AKAP6: variants seen among roughly 807,000 people sequenced by gnomAD.
AKAP6 encodes A-kinase anchoring protein 6.
Under a neutral mutation model 188.5 loss-of-function variants are expected in AKAP6, and 58 were observed. The ratio of observed to expected loss-of-function variants is 0.31; its 90% confidence interval spans 0.25 to 0.38. AKAP6 has a LOEUF of 0.38. Ranked by LOEUF, AKAP6 falls within the 10% of genes least tolerant of loss-of-function variation. The probability of loss-of-function intolerance (pLI) is 1.00; values close to 1 mark genes in which losing one functional copy is unlikely to be tolerated. For synonymous variants in AKAP6, 989 were observed against 998.6 expected (o/e 0.99, Z 0.18); for missense variants, 2,710 against 2,740.0 (o/e 0.99, Z 0.24).
intron 11 of AKAP6, among the ~76,000 whole-genome samples, chr14:32,759,366 T>A (rs1411272202): frequency 6.6e-6 from 1 of 152,220 alleles, no homozygotes; most frequent in African/African-American, 2.4e-5. Flanking sequence ...TCGTGCCCTC[T>A]GCCTTTTCTC....
chr14:32,707,396 C>T (rs756246069), intron 9 of AKAP6, among the ~76,000 whole-genome samples: 1 of 152,156 alleles, frequency 6.6e-6, no homozygotes, highest in East Asian at 1.9e-4. Flanking sequence ...AGTATTATCC[C>T]TTTTAGTACT....
chr14:32,537,910 A>G (rs1882758881), intron 3 of AKAP6, among the ~76,000 whole-genome samples: 2 of 152,338 alleles, frequency 1.3e-5, no homozygotes, highest in African/African-American at 4.8e-5. Flanking sequence ...TGAATTTACA[A>G]TAAGTAGCAT....
chr14:32,568,044 A>C lies in AKAP6; in HGVS notation c.2347-9076A>C, dbSNP rs1263236982. ...AGAGGCAAAACAACAATAGTCAAGGAAGAAAGAAAAGAAAGGCTGAAAAGA... is the reference window on the plus strand; with the variant it reads ...AGAGGCAAAACAACAATAGTCAAGGCAGAAAGAAAAGAAAGGCTGAAAAGA... On this transcript the variant is annotated intron_variant, in intron 4 of 13. Transcript: ENST00000280979. This position sits in a 1 kb window ranked among gnomAD's most constrained non-coding sequence, Gnocchi z 6.2. Among the ~76,000 whole-genome samples the C allele has an allele frequency of 6.6e-6, 1 of 152,052 alleles. No homozygotes were observed. Among genetic ancestry groups the C allele is most frequent in the African/African-American group, 2.4e-5 (1 of 41,432 alleles).
chr14:32,510,458 ATGTG>A (rs1338208103), intron 2 of AKAP6, among the ~76,000 whole-genome samples: 3 of 73,542 alleles, frequency 4.1e-5, no homozygotes, highest in Admixed American at 1.4e-4. Flanking sequence ...ATACATATAT[ATGTG>A]TATATATATA....
intron 2 of AKAP6, among the ~76,000 whole-genome samples, chr14:32,516,952 G>A (rs1881553411): frequency 6.6e-6 from 1 of 152,106 alleles, no homozygotes; most frequent in African/African-American, 2.4e-5. Context: ...AGCTATCAAA[G>A]ATTACTATTA....
chr14:32,353,490 G>A (rs569599401), intron 1 of AKAP6, among the ~76,000 whole-genome samples: 7 of 152,252 alleles, frequency 4.6e-5, no homozygotes, highest in South Asian at 2.1e-4. Context: ...CAACCCGGGC[G>A]GTAGAGGTTG....
At chr14:32,512,054 T>C (rs1881289499) in intron 2 of AKAP6, among the ~76,000 whole-genome samples, 1 of 152,240 alleles carries the variant, frequency 6.6e-6, no homozygotes. Context: ...GTTAATTTAC[T>C]TGTAGACATT....
intron 11 of AKAP6, among the ~76,000 whole-genome samples, chr14:32,770,513 T>G (rs188411513): frequency 6.6e-6 from 1 of 152,184 alleles, no homozygotes; most frequent in East Asian, 1.9e-4. Flanking sequence ...ATGAAAAGCA[T>G]TTCAAACTTT....
Position 32,829,904 on chromosome 14 carries a change from G to C in AKAP6, c.*99G>C, listed in dbSNP as rs2034784781. On this transcript the variant is annotated 3_prime_UTR_variant, in exon 14 of 14. Transcript: ENST00000280979. Reference sequence around the variant, plus strand: ...ATCCTCCCGCCCTGGGCTGGCCTCTGGTTCCATCACGTTTGTCACTGCCGT... The same window carrying C: ...ATCCTCCCGCCCTGGGCTGGCCTCTCGTTCCATCACGTTTGTCACTGCCGT... 2.8e-6 allele frequency: 2 copies of C among 702,676 alleles called. No homozygotes were observed. Among genetic ancestry groups the C allele is most frequent in the Non-Finnish European group, 5.2e-6 (2 of 384,770 alleles). 43.5% of individuals were successfully genotyped at this position (702,676 alleles called of 1,614,324 possible).
At chr14:32,606,103 TTATACA>T (rs1886118082) in intron 7 of AKAP6, among the ~76,000 whole-genome samples, 1 of 152,184 alleles carries the variant, frequency 6.6e-6, no homozygotes, top group Admixed American at 6.5e-5. Flanking sequence ...GTGAGATCTT[TTATACA>T]TGGAAATAGA....
chr14:32,716,050 A>G (rs1361305951), intron 9 of AKAP6, among the ~76,000 whole-genome samples: 1 of 151,998 alleles, frequency 6.6e-6, no homozygotes, highest in Non-Finnish European at 1.5e-5. Context: ...TTCTCAAATG[A>G]GCAACTAAGG....
intron 1 of AKAP6, among the ~76,000 whole-genome samples, chr14:32,395,018 G>A (rs1888833051): frequency 6.6e-6 from 1 of 152,050 alleles, no homozygotes; most frequent in South Asian, 2.1e-4. Context: ...CACAATTTAG[G>A]AGTTAACTTC....
intron 2 of AKAP6, among the ~76,000 whole-genome samples, chr14:32,521,351 A>G (rs1881820160): frequency 1.3e-5 from 2 of 152,136 alleles, no homozygotes; most frequent in East Asian, 3.9e-4. Flanking sequence ...ATCAAGCAGG[A>G]GAAAGAAATA....
At chr14:32,439,587 T>C (rs1376706960) in intron 2 of AKAP6, among the ~76,000 whole-genome samples, 1 of 113,168 alleles carries the variant, frequency 8.8e-6, no homozygotes, top group Non-Finnish European at 1.7e-5. Flanking sequence ...CTCCCACTAC[T>C]GGAGCATAAC....
At chr14:32,398,833 T>A (rs1319843299) in intron 1 of AKAP6, among the ~76,000 whole-genome samples, 3 of 143,808 alleles carry the variant, frequency 2.1e-5, no homozygotes, top group Non-Finnish European at 4.5e-5. Flanking sequence ...TCTCTCTCTC[T>A]CTTTCTTCCT....
chr14:32,563,034 A>T (rs920910533), intron 4 of AKAP6, among the ~76,000 whole-genome samples: 1 of 152,206 alleles, frequency 6.6e-6, no homozygotes, highest in African/African-American at 2.4e-5. Context: ...CAAGGGAAAC[A>T]TGGCTGGGAA....
At chr14:32,438,236 G>T (rs1890452547) in intron 2 of AKAP6, among the ~76,000 whole-genome samples, 1 of 152,180 alleles carries the variant, frequency 6.6e-6, no homozygotes, top group African/African-American at 2.4e-5. Context: ...AAATCTGGGG[G>T]ATCTTGTCTG....
intron 11 of AKAP6, among the ~76,000 whole-genome samples, chr14:32,758,434 T>C (rs913593312): frequency 6.6e-6 from 1 of 152,130 alleles, no homozygotes; most frequent in Non-Finnish European, 1.5e-5. Context: ...ATTTGATGCA[T>C]AGAAACAAAA....
At chr14:32,384,234 G>A (rs1306960729) in intron 1 of AKAP6, among the ~76,000 whole-genome samples, 1 of 152,218 alleles carries the variant, frequency 6.6e-6, no homozygotes, top group Non-Finnish European at 1.5e-5. Context: ...AGAATAATGG[G>A]AGGAGGGCTT....
Sources: allele counts gnomAD v4.1 joint callset (sites outside exome capture counted in the v4.1 genomes callset), GRCh38; gene constraint gnomAD v4.1.1; non-coding constraint Gnocchi (gnomAD v3.1); transcripts MANE v1.5; gene names NCBI Gene and HGNC (gene_info 2026-07-23, HGNC 2026-07-21).